TNPO3: variants seen among roughly 807,000 people sequenced by gnomAD.
TNPO3 encodes the protein transportin-3.
In TNPO3, 65 loss-of-function variants were observed where a neutral mutation model predicts 122.8. That is an observed-to-expected ratio of 0.53 (90% CI 0.43 to 0.65). The LOEUF is 0.65. TNPO3 is among the 30% of genes least tolerant of loss of function. The pLI is 0.00. For synonymous variants in TNPO3, 372 were observed against 411.2 expected (o/e 0.90, Z 1.15); for missense variants, 850 against 1,136.7 (o/e 0.75, Z 3.63).
intron 16 of TNPO3, among the ~76,000 whole-genome samples, chr7:128,976,539 T>A (rs373469586): frequency 6.6e-6 from 1 of 152,226 alleles, no homozygotes; most frequent in Admixed American, 6.5e-5. Flanking sequence ...AGTGGTGAGA[T>A]CTTGGCTCAC....
Position 128,974,977 on chromosome 7 carries a change from T to C in TNPO3, c.2179-15A>G, listed in dbSNP as rs974122428. On this transcript the variant is annotated splice_polypyrimidine_tract_variant and intron_variant, in intron 17 of 22. Transcript: ENST00000265388. ...ATGCACAGTGCCTAAAACAAAACAG[T>C]GATTTTAAAAGAAATGCTTTTTCAG... is the stretch of plus-strand genomic sequence containing the variant. 20 of 1,606,604 alleles carry C rather than the reference T, an allele frequency of 1.2e-5. No homozygotes were observed. The highest frequency in any genetic ancestry group is 1.7e-5 in the Admixed American group (1 of 59,888).
chr7:129,054,696 G>T lies in TNPO3; in HGVS notation c.75C>A (p.Ser25Arg). The change falls in exon 1 of 23, where the codon AGC becomes AGA. Residue 25 changes from serine to arginine, a missense_variant. Transcript: ENST00000265388. Reference sequence around the variant, plus strand: ...GCCAAAAAGAGGCGCGCTCCTTTCCGCTGGGATCTGGGTCGTGGTAAAGCG... The same window carrying T: ...GCCAAAAAGAGGCGCGCTCCTTTCCTCTGGGATCTGGGTCGTGGTAAAGCG... Reference protein sequence around the residue: ...VQALYHDPDPSGKERASFWLG... With the variant: ...VQALYHDPDPRGKERASFWLG... The T allele has an allele frequency of 6.2e-7, 1 of 1,614,140 alleles. No individual in the cohort carries two copies. The highest frequency in any genetic ancestry group is 8.5e-7 in the Non-Finnish European group (1 of 1,180,038).
At chr7:128,986,256 C>T (rs1280457584) in intron 12 of TNPO3, among the ~76,000 whole-genome samples, 1 of 152,190 alleles carries the variant, frequency 6.6e-6, no homozygotes, top group Non-Finnish European at 1.5e-5. Context: ...ATCACAATGG[C>T]TGTTTGCCTC....
chr7:128,996,202 C>A (rs1024914652), intron 8 of TNPO3, among the ~76,000 whole-genome samples: 1 of 152,148 alleles, frequency 6.6e-6, no homozygotes, highest in Non-Finnish European at 1.5e-5. Flanking sequence ...TTCAACCAAC[C>A]AACAGGATGA....
intron 1 of TNPO3, among the ~76,000 whole-genome samples, chr7:129,045,549 A>AC (rs1451103690): frequency 2.1e-4 from 7 of 32,942 alleles, no homozygotes; most frequent in South Asian, 1.4e-3. Flanking sequence ...GTTTTGCCAC[A>AC]AAAAAAAAAA....
chr7:129,022,933 G>A (rs192355525), intron 1 of TNPO3, among the ~76,000 whole-genome samples: 36 of 152,294 alleles, frequency 2.4e-4, no homozygotes, highest in African/African-American at 8.7e-4. Flanking sequence ...ATTAAACATA[G>A]TTTATTACAA....
intron 3 of TNPO3, among the ~76,000 whole-genome samples, chr7:129,015,571 A>C (rs1454742296): frequency 6.6e-6 from 1 of 152,198 alleles, no homozygotes; most frequent in Non-Finnish European, 1.5e-5. Flanking sequence ...GTGGTGGCTC[A>C]TGCTTATGAT....
At chr7:129,023,009 C>G (rs989732059) in intron 1 of TNPO3, among the ~76,000 whole-genome samples, 1 of 152,074 alleles carries the variant, frequency 6.6e-6, no homozygotes, top group Admixed American at 6.6e-5. Flanking sequence ...TGTACAGATA[C>G]AGTGTGGAAG....
intron 1 of TNPO3, among the ~76,000 whole-genome samples, chr7:129,023,204 G>C (rs1350575010): frequency 6.6e-6 from 1 of 152,006 alleles, no homozygotes; most frequent in African/African-American, 2.4e-5. Context: ...GAAGAAAGGA[G>C]GTGTAGACAT....
intron 1 of TNPO3, among the ~76,000 whole-genome samples, chr7:129,048,660 G>GA (rs905527540): frequency 1.0e-4 from 15 of 148,112 alleles, no homozygotes; most frequent in African/African-American, 3.2e-4. Context: ...AAAAAAGAAA[G>GA]AAAAAAAAAG....
intron 21 of TNPO3, among the ~76,000 whole-genome samples, chr7:128,963,241 T>C (rs531357914): frequency 5.3e-5 from 8 of 152,198 alleles, no homozygotes; most frequent in Admixed American, 1.3e-4. Context: ...AGTAATAGGG[T>C]ATGTGGCAAG....
chr7:129,025,516 G>A (rs76796689), intron 1 of TNPO3, among the ~76,000 whole-genome samples: 3 of 152,108 alleles, frequency 2.0e-5, no homozygotes, highest in South Asian at 2.1e-4. Context: ...GGAGGGAAGC[G>A]GTTATGTCAA....
At chr7:128,960,150 G>A (rs1237114502) in intron 21 of TNPO3, among the ~76,000 whole-genome samples, 2 of 152,298 alleles carry the variant, frequency 1.3e-5, no homozygotes, top group Admixed American at 6.5e-5. Context: ...TGCATGTTGC[G>A]TTACTCACAT....
Position 128,982,042 on chromosome 7 carries a change from AGAG to A in TNPO3, c.1859+203_1859+205del, listed in dbSNP as rs146484872. Among the ~76,000 whole-genome samples, 171 of 152,274 alleles carry A rather than the reference AGAG, an allele frequency of 1.1e-3. 2 individuals carry two copies. The highest frequency in any genetic ancestry group is 4.0e-3 in the African/African-American group (165 of 41,554). ...TCGCTCCCGGCCTTCCACTTTTTAA[AGAG>A]TATTTTAACACAAAGACCTACCAGG... On this transcript the variant is annotated intron_variant, in intron 14 of 22. Coordinates refer to ENST00000265388, the MANE Select transcript of TNPO3 (RefSeq NM_012470.4).
chr7:128,970,173 C>G lies in TNPO3; in HGVS notation c.2573G>C (p.Trp858Ser). Residue 858 changes from tryptophan to serine, a missense_variant, in exon 20 of 23, where the codon TGG becomes TCG. Trp to Ser is a radical substitution (Grantham distance 177). Coordinates refer to ENST00000265388, the MANE Select transcript of TNPO3 (RefSeq NM_012470.4). The stretch of plus-strand genomic sequence containing the variant: ...CGGTCTGTCAACCTGCATGATCTCC[C>G]AGAGCACTTCAGCCACATCTGGTAG... ...YTLPDVAEVL[W>S]EIMQVDRPTF... The G allele has an allele frequency of 6.2e-7, 1 of 1,614,168 alleles. No individual in the cohort carries two copies. Among genetic ancestry groups the G allele is most frequent in the Non-Finnish European group, 8.5e-7 (1 of 1,180,012 alleles).
At chr7:128,974,781 C>T (rs1347598380) in intron 18 of TNPO3, 87 bp downstream of exon 18, 15 of 1,146,854 alleles carry the variant, frequency 1.3e-5, no homozygotes, top group South Asian at 7.7e-5. Flanking sequence ...CTTCATTTTA[C>T]AAGAATAAAA....
chr7:129,022,722 A>T (rs540476909), intron 1 of TNPO3, among the ~76,000 whole-genome samples: 12 of 152,224 alleles, frequency 7.9e-5, no homozygotes, highest in Non-Finnish European at 1.5e-4. Context: ...GAAAGAAGAA[A>T]GAACAGGGTA....
intron 1 of TNPO3, among the ~76,000 whole-genome samples, chr7:129,019,246 T>C (rs1335260196): frequency 6.6e-6 from 1 of 152,194 alleles, no homozygotes; most frequent in Admixed American, 6.5e-5. Flanking sequence ...ATTAGATTAA[T>C]TCTAATCCAA....
At chr7:129,035,950 C>CTTTTTTTTT (rs71162551) in intron 1 of TNPO3, among the ~76,000 whole-genome samples, 21 of 119,930 alleles carry the variant, frequency 1.8e-4, no homozygotes, top group South Asian at 5.4e-4. Context: ...CTTTTCTTTT[C>CTTTTTTTTT]TTTTTTTTTT....
Sources: allele counts gnomAD v4.1 joint callset (sites outside exome capture counted in the v4.1 genomes callset), GRCh38; gene constraint gnomAD v4.1.1; transcripts MANE v1.5; gene names NCBI Gene and HGNC (gene_info 2026-07-23, HGNC 2026-07-21).